The following ARHGEF10L variants were observed in gnomAD, a reference collection of about 807,000 sequenced individuals.
ARHGEF10L encodes the protein Rho guanine nucleotide exchange factor 10 like.
ARHGEF10L carries 69 observed loss-of-function variants against 141.2 expected under a neutral mutation model. The ratio of observed to expected loss-of-function variants is 0.49; its 90% CI spans 0.40 to 0.60. ARHGEF10L has a LOEUF of 0.60. Among genes scored for constraint, ARHGEF10L ranks in the 20% least tolerant of loss-of-function variants. The pLI, the probability that ARHGEF10L is intolerant of heterozygous loss-of-function variation, is 0.00. For synonymous variants in ARHGEF10L, 711 were observed against 718.5 expected (o/e 0.99, Z 0.17); for missense variants, 1,482 against 1,734.3 (o/e 0.85, Z 2.58).
chr1:17,652,750 C>G (rs1482877531), intron 22 of ARHGEF10L, among the ~76,000 whole-genome samples: 1 of 152,136 alleles, frequency 6.6e-6, no homozygotes, highest in East Asian at 1.9e-4. Flanking sequence ...AGTCTCAGAG[C>G]CCACCTGGGG....
rs1429300782 is a variant in ARHGEF10L, at chr1:17,625,955, G to A, written c.1318-1G>A. 1 of 1,613,798 alleles carries A rather than the reference G, an allele frequency of 6.2e-7. No individual in the cohort carries two copies. The highest frequency in any genetic ancestry group is 8.5e-7 in the Non-Finnish European group (1 of 1,179,798). The stretch of plus-strand genomic sequence containing the variant: ...GAATGACGGAACCTTGTCTCCACCA[G>A]CGACGGCAGGTGTGCAGCCCAGACC... On this transcript the variant is annotated splice_acceptor_variant, in intron 13 of 28. Coordinates refer to ENST00000361221, the MANE Select transcript of ARHGEF10L (RefSeq NM_018125.4). LOFTEE classifies it high-confidence loss of function. The surrounding 1 kb of genome is among the most constrained non-coding windows in gnomAD (Gnocchi z 4.5).
intron 21 of ARHGEF10L, among the ~76,000 whole-genome samples, chr1:17,642,551 G>A (rs907117060): frequency 1.3e-5 from 2 of 152,164 alleles, no homozygotes; most frequent in Admixed American, 6.5e-5. Flanking sequence ...GGCATGGGAG[G>A]GGCAGGTGTG....
Position 17,627,255 on chromosome 1 carries a change from A to T in ARHGEF10L, c.1411-75A>T, listed in dbSNP as rs922179436. ...ACCCAGTGTGTGTAGGGGGTTGCGC[A>T]GGGTGAGGCTTTGCCCCAGGCTGGG... On this transcript the variant is annotated intron_variant, in intron 14 of 28. Coordinates refer to ENST00000361221, the MANE Select transcript of ARHGEF10L (RefSeq NM_018125.4). The surrounding 1 kb of genome is among the most constrained non-coding windows in gnomAD (Gnocchi z 4.0). 3.5e-5 allele frequency: 55 copies of T among 1,555,050 alleles called. No homozygotes were observed. The highest frequency in any genetic ancestry group is 4.6e-5 in the Non-Finnish European group (53 of 1,141,774).
chr1:17,596,897 C>CA (rs1442425554), intron 4 of ARHGEF10L, among the ~76,000 whole-genome samples: 5 of 152,120 alleles, frequency 3.3e-5, no homozygotes, highest in Middle Eastern at 3.4e-3. Flanking sequence ...ACTAAAAATA[C>CA]AAAAAAAAGT....
chr1:17,560,470 G>A (rs886597818), intron 1 of ARHGEF10L, among the ~76,000 whole-genome samples: 20 of 152,228 alleles, frequency 1.3e-4, no homozygotes, highest in Admixed American at 2.0e-4. Flanking sequence ...GGCCAGGCTG[G>A]TTTGGGGTCC....
At chr1:17,618,228 C>T (rs1325464449) in intron 9 of ARHGEF10L, 3 of 1,226,092 alleles carry the variant, frequency 2.4e-6, no homozygotes, top group South Asian at 1.7e-5. Context: ...CCCTCCCAAC[C>T]CCAGGCTGGC....
In ARHGEF10L at chr1:17,581,769, G is replaced by A. The variant is rs1462700123; in HGVS notation, c.37+1137G>A. Among the ~76,000 whole-genome samples the A allele has an allele frequency of 2.0e-4, 30 of 151,972 alleles. 1 individual carries two copies. The highest frequency in any genetic ancestry group is 2.1e-4 in the South Asian group (1 of 4,808). ...ATGGGGTAATCAATTGCTCACTGACGGGAGTGCTTATCATCGTGGGTGTCA... is the reference window on the plus strand; with the variant it reads ...ATGGGGTAATCAATTGCTCACTGACAGGAGTGCTTATCATCGTGGGTGTCA... On this transcript the variant is annotated intron_variant, in intron 2 of 28. Coordinates refer to ENST00000361221, the MANE Select transcript of ARHGEF10L (RefSeq NM_018125.4).
At chr1:17,618,554 C>G in intron 9 of ARHGEF10L, 1 of 1,327,116 alleles carries the variant, frequency 7.5e-7, no homozygotes. Context: ...TCTACCCCCT[C>G]CCACCCTTGG....
At chr1:17,664,279 C>T (rs897081317) in intron 25 of ARHGEF10L, among the ~76,000 whole-genome samples, 168 bp from the exon 26 acceptor site, 4 of 152,044 alleles carry the variant, frequency 2.6e-5, no homozygotes, top group Non-Finnish European at 4.4e-5. Flanking sequence ...TGGTGGGAGT[C>T]GGAGGCAGAT....
rs1557758035 is a variant in ARHGEF10L, at chr1:17,588,882, G to GTGTGTGTGTC, written c.257+412_257+413insCTGTGTGTGT. 1.9e-5 allele frequency among the ~76,000 whole-genome samples: 2 copies of GTGTGTGTGTC among 106,176 alleles called. 1 individual carries two copies. The allele number at this position is 106,176 out of a possible 152,430, so 69.7% of individuals were successfully genotyped here. A position where few individuals can be genotyped will look rare whatever the true frequency, so the allele number is the denominator to read the frequency against. ...TGTGTGTGTGTGTGTGTGTGTGTGT[G>GTGTGTGTGTC]TGTGTGTGTGTGTGTGTAGTGGGGG... is the stretch of plus-strand genomic sequence containing the variant. On this transcript the variant is annotated intron_variant, in intron 4 of 28. Coordinates refer to ENST00000361221, the MANE Select transcript of ARHGEF10L (RefSeq NM_018125.4).
chr1:17,612,017 G>A (rs1045431329), intron 7 of ARHGEF10L, among the ~76,000 whole-genome samples: 2 of 151,402 alleles, frequency 1.3e-5, no homozygotes, highest in Non-Finnish European at 2.9e-5. Flanking sequence ...CCTCCAGATA[G>A]TCTGTAAGCT....
intron 22 of ARHGEF10L, among the ~76,000 whole-genome samples, chr1:17,650,405 C>A (rs554237739): frequency 9.2e-5 from 14 of 152,082 alleles, no homozygotes; most frequent in South Asian, 4.2e-4. Flanking sequence ...CAGAGTGAGA[C>A]CCTGTCTCAA....
chr1:17,587,315 T>G, intron 2 of ARHGEF10L, 145 bp from the exon 3 acceptor site: 1 of 809,490 alleles, frequency 1.2e-6, no homozygotes. Context: ...TGTAGGGCCA[T>G]GTGGCTTGAG....
At chr1:17,539,697 C>T, upstream of ARHGEF10L, 1 of 146,574 alleles carries the variant, frequency 6.8e-6, no homozygotes, top group South Asian at 2.0e-4. The surrounding 1 kb of genome is among the most constrained non-coding windows in gnomAD (Gnocchi z 6.0). Context: ...GGGGCGGCGC[C>T]GCGTCGCGCA....
intron 7 of ARHGEF10L, among the ~76,000 whole-genome samples, chr1:17,612,126 G>T (rs1245771516): frequency 1.3e-5 from 2 of 152,114 alleles, no homozygotes; most frequent in African/African-American, 4.8e-5. Context: ...GCCAGAGGCA[G>T]CTAGTGTCAG....
In ARHGEF10L at chr1:17,656,640, G is replaced by A. The variant is rs1306989460; in HGVS notation, c.2792G>A (p.Arg931Gln). The stretch of plus-strand genomic sequence containing the variant: ...GGTCTGCAGCCTGTGCTCTGCCTGC[G>A]ACACAGCCCCTTCCACCTGCTCGCT... The part of the protein sequence containing the change: ...SPGLQPVLCL[R>Q]HSPFHLLAGL... The change falls in exon 25 of 29, where the codon CGA (arginine) becomes CAA (glutamine). Residue 931 changes from arginine to glutamine, a missense_variant. Around this residue, in one of 3 missense-constraint regions of ARHGEF10L, gnomAD observed 858 missense variants for 966.3 expected, o/e 0.89. Transcript: ENST00000361221. This position sits in a 1 kb window ranked among gnomAD's most constrained non-coding sequence, Gnocchi z 4.9. The A allele has an allele frequency of 1.4e-5, 22 of 1,613,666 alleles. 1 individual carries two copies. Among genetic ancestry groups the A allele is most frequent in the Middle Eastern group, 3.3e-4 (2 of 6,054 alleles).
chr1:17,600,297 G>A (rs796599060), intron 4 of ARHGEF10L, among the ~76,000 whole-genome samples: 7 of 152,248 alleles, frequency 4.6e-5, no homozygotes, highest in Non-Finnish European at 8.8e-5. Flanking sequence ...CTACAGGCTC[G>A]GGTGCCAGGA....
rs754370887 is a variant in ARHGEF10L, at chr1:17,624,380, G to C, written c.1201-7G>C. 2 of 1,612,006 alleles carry C rather than the reference G, an allele frequency of 1.2e-6. No individual in the cohort carries two copies. Among genetic ancestry groups the C allele is most frequent in the Admixed American group, 1.7e-5 (1 of 60,000 alleles). On this transcript the variant is annotated splice_region_variant and splice_polypyrimidine_tract_variant and intron_variant, in intron 12 of 28. Transcript: ENST00000361221. ...GGTCTCCCTGGCCCACACCTGCCTTGTTTCAGTTTTCCAAGTCCATGGTGC... is the reference window on the plus strand; with the variant it reads ...GGTCTCCCTGGCCCACACCTGCCTTCTTTCAGTTTTCCAAGTCCATGGTGC...
At chr1:17,645,115 A>G (rs913048936) in intron 21 of ARHGEF10L, among the ~76,000 whole-genome samples, 6 of 152,140 alleles carry the variant, frequency 3.9e-5, no homozygotes, top group Non-Finnish European at 8.8e-5. Flanking sequence ...GGGTGTTGGC[A>G]AACAGAGCTG....
Sources: gnomAD v4.1 joint callset for allele counts (sites outside exome capture counted in the v4.1 genomes callset) on GRCh38, gnomAD v4.1.1 for gene constraint, gnomAD v4.1.1 regional missense constraint, Gnocchi (gnomAD v3.1) non-coding constraint, MANE v1.5 for transcripts, NCBI Gene and HGNC (gene_info 2026-07-23, HGNC 2026-07-21) for gene names.